The following KDM4C variants were observed in gnomAD, a reference collection of about 807,000 sequenced individuals.
KDM4C encodes the protein lysine-specific demethylase 4C.
Under a neutral mutation model 129.3 loss-of-function variants are expected in KDM4C, and 81 were observed. The ratio of observed to expected loss-of-function variants is 0.63; its 90% confidence interval spans 0.52 to 0.75. The LOEUF (loss-of-function observed/expected upper bound fraction) is 0.75. Ranked by LOEUF, KDM4C falls within the 30% of genes least tolerant of loss-of-function variation. The pLI is 0.00. For synonymous variants in KDM4C, 573 were observed against 456.1 expected, an observed-to-expected ratio of 1.26 and a Z score of -3.26; for missense variants, 1,457 against 1,304.0, an observed-to-expected ratio of 1.12 and a Z score of -1.81.
intron 1 of KDM4C, among the ~76,000 whole-genome samples, chr9:6,775,239 A>G (rs1184071907): frequency 6.7e-6 from 1 of 150,314 alleles, no homozygotes; most frequent in Non-Finnish European, 1.5e-5. Context: ...CTGGTCTTGA[A>G]CTCCTCACCT....
intron 8 of KDM4C, among the ~76,000 whole-genome samples, chr9:6,899,114 T>C (rs927926341): frequency 2.0e-5 from 3 of 151,952 alleles, no homozygotes; most frequent in Admixed American, 2.0e-4. Context: ...GTTCTGATGG[T>C]ACAGTGTAAC....
At chr9:6,865,634 T>C (rs1168410658) in intron 5 of KDM4C, among the ~76,000 whole-genome samples, 1 of 152,198 alleles carries the variant, frequency 6.6e-6, no homozygotes, top group Non-Finnish European at 1.5e-5. Context: ...TGGCGTGATC[T>C]CAGCTCACTG....
At position 7,174,996 on chromosome 9, in the gene KDM4C, G is replaced by A; in HGVS notation, c.*267G>A. On this transcript the variant is annotated 3_prime_UTR_variant, in exon 22 of 22. Coordinates refer to ENST00000381309, the MANE Select transcript of KDM4C (RefSeq NM_015061.6). ...TCCCAAAGAAGTTTTCTAAGTGAAA[G>A]GAAATACTAGTGAATCACCCACAAG... is the stretch of plus-strand genomic sequence containing the variant. 3.1e-6 allele frequency: 1 copy of A among 320,598 alleles called. No homozygotes were observed. The highest frequency in any genetic ancestry group is 5.9e-6 in the Non-Finnish European group (1 of 170,480). 19.9% of individuals were successfully genotyped at this position (320,598 alleles called of 1,614,324 possible).
At chr9:7,046,477 A>T (rs948146309) in intron 15 of KDM4C, among the ~76,000 whole-genome samples, 8 of 152,008 alleles carry the variant, frequency 5.3e-5, no homozygotes, top group African/African-American at 1.9e-4. Context: ...GAATTCCCAG[A>T]GCACAAGGCT....
At chr9:7,082,945 G>A (rs1381203351) in intron 17 of KDM4C, among the ~76,000 whole-genome samples, 1 of 152,142 alleles carries the variant, frequency 6.6e-6, no homozygotes, top group African/African-American at 2.4e-5. Context: ...GATATTAATA[G>A]CCATTGTTTA....
intron 17 of KDM4C, among the ~76,000 whole-genome samples, chr9:7,100,538 C>T (rs1836955375): frequency 6.6e-6 from 1 of 152,070 alleles, no homozygotes; most frequent in South Asian, 2.1e-4. Context: ...TGGGGTTTTG[C>T]CGTGTTGGCC....
chr9:6,863,920 G>C (rs1037924477), intron 5 of KDM4C, among the ~76,000 whole-genome samples: 2 of 151,948 alleles, frequency 1.3e-5, no homozygotes, highest in Admixed American at 6.6e-5. Context: ...AGCTATTCAT[G>C]AGTGATCCAC....
At chr9:6,794,732 G>T (rs573910593) in intron 2 of KDM4C, among the ~76,000 whole-genome samples, 150 of 152,184 alleles carry the variant, frequency 9.9e-4, no homozygotes, top group Middle Eastern at 3.4e-3. Context: ...ACGGGTGCCA[G>T]ATAATATTCT....
At chr9:6,908,897 T>G (rs1203791821) in intron 8 of KDM4C, among the ~76,000 whole-genome samples, 1 of 152,174 alleles carries the variant, frequency 6.6e-6, no homozygotes, top group Non-Finnish European at 1.5e-5. Context: ...AGTAAACTCC[T>G]GGAGTAGTGA....
intron 2 of KDM4C, among the ~76,000 whole-genome samples, chr9:6,799,424 G>A (rs1022386318): frequency 4.9e-4 from 75 of 152,276 alleles, no homozygotes; most frequent in Non-Finnish European, 9.9e-4. Context: ...AACCAGTCAG[G>A]AGTGGCGGCG....
intron 1 of KDM4C, among the ~76,000 whole-genome samples, chr9:6,773,596 T>C (rs1333146084): frequency 6.6e-6 from 1 of 151,830 alleles, no homozygotes; most frequent in African/African-American, 2.4e-5. Flanking sequence ...CATGGTGAAA[T>C]CTTGTTTCGA....
chr9:6,752,809 T>C (rs954486150), upstream of KDM4C, among the ~76,000 whole-genome samples: 1 of 152,218 alleles, frequency 6.6e-6, no homozygotes, highest in Non-Finnish European at 1.5e-5. Context: ...TTTCCTATTA[T>C]AATCAGAGAC....
intron 18 of KDM4C, among the ~76,000 whole-genome samples, chr9:7,110,794 G>A (rs1313047864): frequency 2.0e-5 from 3 of 152,176 alleles, no homozygotes; most frequent in Non-Finnish European, 2.9e-5. Context: ...TTTTTAAACC[G>A]ACCTGAAACC....
At chr9:6,906,976 G>T (rs1251664672) in intron 8 of KDM4C, among the ~76,000 whole-genome samples, 1 of 152,136 alleles carries the variant, frequency 6.6e-6, no homozygotes, top group Non-Finnish European at 1.5e-5. Flanking sequence ...ATGGATCAAG[G>T]ATTCTAGAAA....
chr9:6,900,371 G>C (rs765220652), intron 8 of KDM4C, among the ~76,000 whole-genome samples: 4 of 152,228 alleles, frequency 2.6e-5, no homozygotes, highest in Non-Finnish European at 5.9e-5. Flanking sequence ...TCACTCTCAA[G>C]ATTCTTGAAG....
intron 5 of KDM4C, among the ~76,000 whole-genome samples, chr9:6,857,633 A>C (rs578018585): frequency 6.6e-6 from 1 of 152,276 alleles, no homozygotes; most frequent in East Asian, 1.9e-4. Flanking sequence ...TTGATTGGTA[A>C]CTGGATTGTT....
chr9:6,925,623 G>C, intron 8 of KDM4C: 3 of 985,402 alleles, frequency 3.0e-6, no homozygotes, highest in Non-Finnish European at 3.6e-6. Flanking sequence ...GTCTTGGCTT[G>C]TTTACCATCA....
rs940015791 is a variant in KDM4C, at chr9:7,174,976, A to G, written c.*247A>G. On this transcript the variant is annotated 3_prime_UTR_variant, in exon 22 of 22. Coordinates refer to ENST00000381309, the MANE Select transcript of KDM4C (RefSeq NM_015061.6). ...TGAGCAGTTGTCTTCTATGATCCCA[A>G]AGAAGTTTTCTAAGTGAAAGGAAAT... is the stretch of plus-strand genomic sequence containing the variant. 4 of 368,234 alleles carry G rather than the reference A, an allele frequency of 1.1e-5. No homozygotes were observed. The highest frequency in any genetic ancestry group is 7.2e-5 in the South Asian group (1 of 13,836). The allele number at this position is 368,234 out of a possible 1,614,324, so 22.8% of individuals were successfully genotyped here.
At chr9:6,741,676 C>CTTTTTTTTTTTT (rs71315557) in intron 1 of KDM4C, among the ~76,000 whole-genome samples, 5 of 94,098 alleles carry the variant, frequency 5.3e-5, no homozygotes, top group Non-Finnish European at 8.5e-5. Flanking sequence ...GGTGGCAGCT[C>CTTTTTTTTTTTT]TTTTTTTTTT....
Sources: gnomAD v4.1 joint callset for allele counts (sites outside exome capture counted in the v4.1 genomes callset) on GRCh38, gnomAD v4.1.1 for gene constraint, MANE v1.5 for transcripts, NCBI Gene and HGNC (gene_info 2026-07-23, HGNC 2026-07-21) for gene names.